The following EXPH5 variants were observed in gnomAD, a reference collection of about 807,000 sequenced individuals.
EXPH5 encodes the protein exophilin 5.
Under a neutral mutation model 41.1 loss-of-function variants are expected in EXPH5, and 42 were observed. The observed-to-expected ratio is 1.02, with a 90% CI of 0.80 to 1.32. The LOEUF (loss-of-function observed/expected upper bound fraction) is 1.32. Ranked by LOEUF, EXPH5 falls within the 40% of genes most tolerant of loss-of-function variation. The probability of loss-of-function intolerance (pLI) is 0.00; values close to 1 mark genes in which losing one functional copy is unlikely to be tolerated. For missense variants in EXPH5, 2,298 were observed against 2,314.5 expected, an observed-to-expected ratio of 0.99 and a Z score of 0.15; for synonymous variants, 798 against 833.5, an observed-to-expected ratio of 0.96 and a Z score of 0.73.
chr11:108,580,491 C>G (rs943776225), intron 1 of EXPH5, among the ~76,000 whole-genome samples: 2 of 152,114 alleles, frequency 1.3e-5, no homozygotes, highest in African/African-American at 4.8e-5. Context: ...CTATGGAGAA[C>G]AGTATGGAAG....
intron 1 of EXPH5, among the ~76,000 whole-genome samples, chr11:108,571,853 G>A (rs1591752156): frequency 1.3e-5 from 2 of 152,024 alleles, no homozygotes; most frequent in South Asian, 2.1e-4. Context: ...GAGGTCAGGA[G>A]ATCGAGACCA....
chr11:108,587,822 G>A (rs967630523), intron 1 of EXPH5, among the ~76,000 whole-genome samples: 6 of 151,988 alleles, frequency 3.9e-5, no homozygotes, highest in African/African-American at 9.7e-5. Context: ...GCGCGGTCTC[G>A]GCTCACTGCA....
chr11:108,595,830 A>G (rs1482482548), upstream of EXPH5, among the ~76,000 whole-genome samples: 6 of 152,222 alleles, frequency 3.9e-5, no homozygotes, highest in Admixed American at 1.3e-4. Flanking sequence ...TATGAATGCC[A>G]TGTGATGAAA....
Position 108,593,577 on chromosome 11 carries a change from C to A in EXPH5, c.-41G>T. 1 of 1,613,696 alleles carries A rather than the reference C, an allele frequency of 6.2e-7. No individual in the cohort carries two copies. The highest frequency in any genetic ancestry group is 1.1e-5 in the South Asian group (1 of 91,036). Reference sequence around the variant, plus strand: ...TGAGTTACACTTAAGCTCCTTGGCGCCTCCTGTTAGGAAGGCATTTTTCAA... The same window carrying A: ...TGAGTTACACTTAAGCTCCTTGGCGACTCCTGTTAGGAAGGCATTTTTCAA... On this transcript the variant is annotated 5_prime_UTR_variant, in exon 1 of 6. Transcript: ENST00000265843.
intron 1 of EXPH5, among the ~76,000 whole-genome samples, chr11:108,582,196 G>A (rs1199672287): frequency 6.6e-6 from 1 of 152,228 alleles, no homozygotes; most frequent in Non-Finnish European, 1.5e-5. Context: ...GGGCGTGGTG[G>A]CTCATGGCTG....
At chr11:108,575,162 A>G (rs1483319473) in intron 1 of EXPH5, among the ~76,000 whole-genome samples, 1 of 152,266 alleles carries the variant, frequency 6.6e-6, no homozygotes, top group Non-Finnish European at 1.5e-5. Flanking sequence ...AAATAGTTTA[A>G]GTTCATTATA....
chr11:108,527,922 G>T (rs890482602), intron 4 of EXPH5, among the ~76,000 whole-genome samples: 2 of 152,212 alleles, frequency 1.3e-5, no homozygotes, highest in Non-Finnish European at 2.9e-5. Flanking sequence ...GTGGAAACAT[G>T]ATGGCCTCAC....
chr11:108,592,798 C>T (rs759440509), intron 1 of EXPH5, among the ~76,000 whole-genome samples: 1 of 152,248 alleles, frequency 6.6e-6, no homozygotes, highest in Non-Finnish European at 1.5e-5. Context: ...CCCCGTGTGT[C>T]CAAGTCCCAT....
At chr11:108,541,593 T>G in intron 2 of EXPH5, 59 bp downstream of exon 2, 3 of 1,233,478 alleles carry the variant, frequency 2.4e-6, no homozygotes, top group Non-Finnish European at 3.5e-6. Context: ...GGCCATTATC[T>G]ACAATACTAT....
rs1375618082 is a variant in EXPH5 at position 108,512,220 on chromosome 11, G to T, written c.3287C>A (p.Thr1096Lys). 6.2e-7 allele frequency: 1 copy of T among 1,606,844 alleles called. No homozygotes were observed. The highest frequency in any genetic ancestry group is 8.5e-7 in the Non-Finnish European group (1 of 1,177,810). Residue 1096 changes from threonine (T) to lysine (K), a missense_variant, in exon 6 of 6, where the codon ACA becomes AAA. Physicochemically the swap from Thr to Lys is moderately conservative, Grantham distance 78 (BLOSUM62 -1). Transcript: ENST00000265843. ...GCTTTTTACATTTGTCATTCTCTCT[G>T]TGGCTTCAGGTGCTTCCAGGGCTGA... ...SDSALEAPEATERMTNVKSSG... is the reference protein window; with the variant it reads ...SDSALEAPEAKERMTNVKSSG...
At chr11:108,592,938 C>T (rs893379252) in intron 1 of EXPH5, among the ~76,000 whole-genome samples, 3 of 152,376 alleles carry the variant, frequency 2.0e-5, no homozygotes, top group Admixed American at 6.5e-5. Context: ...GGAGATTCGC[C>T]TCTGGTGCCG....
At chr11:108,539,491 T>C (rs2093900660) in intron 2 of EXPH5, among the ~76,000 whole-genome samples, 1 of 152,202 alleles carries the variant, frequency 6.6e-6, no homozygotes, top group Non-Finnish European at 1.5e-5. Flanking sequence ...CCCATTCAAT[T>C]CTCATGTTCC....
chr11:108,572,300 A>T (rs1048087707), intron 1 of EXPH5, among the ~76,000 whole-genome samples: 3 of 152,214 alleles, frequency 2.0e-5, no homozygotes, highest in African/African-American at 7.2e-5. Flanking sequence ...GATCCTGCCA[A>T]GCAGTTTTAA....
upstream of EXPH5, among the ~76,000 whole-genome samples, chr11:108,594,740 T>A (rs2094136233): frequency 6.6e-6 from 1 of 152,258 alleles, no homozygotes; most frequent in African/African-American, 2.4e-5. Context: ...ACATATAAAA[T>A]GTACTTCTAC....
intron 1 of EXPH5, among the ~76,000 whole-genome samples, chr11:108,583,120 T>C (rs1453108729): frequency 1.3e-5 from 2 of 152,124 alleles, no homozygotes; most frequent in African/African-American, 2.4e-5. Context: ...CAGTGGCTCA[T>C]GCCTGTAATC....
At chr11:108,540,937 C>T (rs564008504) in intron 2 of EXPH5, among the ~76,000 whole-genome samples, 8 of 151,986 alleles carry the variant, frequency 5.3e-5, no homozygotes, top group South Asian at 2.1e-4. Flanking sequence ...GCAGTCTTAC[C>T]GCTGTTGCCC....
In EXPH5 at chr11:108,539,588, G is replaced by T. The variant is rs149235666; in HGVS notation, c.281-402C>A. Among the ~76,000 whole-genome samples, 15 of 152,246 alleles carry T rather than the reference G, an allele frequency of 9.9e-5. No homozygotes were observed. The East Asian group carries it at 2.7e-3, about 27-fold the overall frequency. On this transcript the variant is annotated intron_variant, in intron 2 of 5. Coordinates refer to ENST00000265843, the MANE Select transcript of EXPH5 (RefSeq NM_015065.3). Reference sequence around the variant, plus strand: ...ATACTACATAACTTCTTATACTGAAGAAAGTAAAGGAAAAGGAAATTAAGC... The same window carrying T: ...ATACTACATAACTTCTTATACTGAATAAAGTAAAGGAAAAGGAAATTAAGC...
At chr11:108,556,454 A>T (rs2093990468) in intron 1 of EXPH5, among the ~76,000 whole-genome samples, 1 of 151,810 alleles carries the variant, frequency 6.6e-6, no homozygotes, top group Non-Finnish European at 1.5e-5. Flanking sequence ...CATCAATTTT[A>T]TTTTTTGTTT....
upstream of EXPH5, among the ~76,000 whole-genome samples, chr11:108,594,820 A>G (rs565655934): frequency 6.6e-6 from 1 of 152,358 alleles, no homozygotes; most frequent in South Asian, 2.1e-4. Context: ...CATGATATCA[A>G]AAATTGCCAC....
Sources: allele counts gnomAD v4.1 joint callset (sites outside exome capture counted in the v4.1 genomes callset), GRCh38; gene constraint gnomAD v4.1.1; transcripts MANE v1.5; gene names NCBI Gene and HGNC (gene_info 2026-07-23, HGNC 2026-07-21).